SCHIP1: variants seen among roughly 807,000 people sequenced by gnomAD.
SCHIP1 encodes schwannomin interacting protein 1, also known as schwannomin-interacting protein 1.
Under a neutral mutation model 29.7 loss-of-function variants are expected in SCHIP1, and 8 were observed. The observed-to-expected ratio is 0.27, with a 90% CI of 0.16 to 0.49. The LOEUF (loss-of-function observed/expected upper bound fraction) is 0.49, where lower values mean the gene tolerates loss of function less well. SCHIP1 is among the 20% of genes least tolerant of loss of function. SCHIP1 has a pLI of 0.99. For synonymous variants in SCHIP1, 76 were observed against 94.9 expected (o/e 0.80, Z 1.16); for missense variants, 193 against 294.6 (o/e 0.66, Z 2.52).
chr3:159,764,345 C>G, the SCHIP1 span: 1 of 1,402,396 alleles, frequency 7.1e-7, no homozygotes, highest in Non-Finnish European at 9.5e-7. The surrounding 1 kb of genome is among the most constrained non-coding windows in gnomAD (Gnocchi z 6.1). Context: ...ACCCAGCGGG[C>G]GCAGGGTGCG....
At chr3:159,764,578 A>G in the SCHIP1 span, 1 of 1,606,872 alleles carries the variant, frequency 6.2e-7, no homozygotes, top group Non-Finnish European at 8.5e-7. This position sits in a 1 kb window ranked among gnomAD's most constrained non-coding sequence, Gnocchi z 6.1. Context: ...GCCGGGGGGC[A>G]GCCTGGACTT....
the SCHIP1 span, among the ~76,000 whole-genome samples, chr3:159,609,062 T>C: frequency 6.6e-6 from 1 of 152,202 alleles, no homozygotes; most frequent in Non-Finnish European, 1.5e-5. Flanking sequence ...TAACCTCTAC[T>C]CTTGAGGAGC....
the SCHIP1 span, among the ~76,000 whole-genome samples, chr3:159,600,965 A>G: frequency 1.3e-5 from 2 of 152,176 alleles, no homozygotes; most frequent in African/African-American, 4.8e-5. Flanking sequence ...ATTTCCTCAA[A>G]GGGTTAGTGT....
chr3:159,482,768 A>G, the SCHIP1 span, among the ~76,000 whole-genome samples: 3 of 152,148 alleles, frequency 2.0e-5, no homozygotes. Flanking sequence ...CAGAAACCAC[A>G]TGGTCCCTTA....
chr3:159,626,981 G>C, the SCHIP1 span, among the ~76,000 whole-genome samples: 30 of 152,240 alleles, frequency 2.0e-4, no homozygotes, highest in Middle Eastern at 0.01. Context: ...CATCATCTAG[G>C]TTTTAAACCC....
the SCHIP1 span, among the ~76,000 whole-genome samples, chr3:159,735,868 G>A: frequency 1.3e-5 from 2 of 152,186 alleles, no homozygotes; most frequent in Non-Finnish European, 2.9e-5. Context: ...GAGACGTGTT[G>A]AGAGTCCACA....
chr3:159,773,044 A>G, the SCHIP1 span, among the ~76,000 whole-genome samples: 1 of 152,206 alleles, frequency 6.6e-6, no homozygotes, highest in Admixed American at 6.5e-5. Context: ...CCCGGCCTAC[A>G]TTTGCACTTT....
At chr3:159,879,605 T>C (rs1716231940) in intron 2 of SCHIP1, among the ~76,000 whole-genome samples, 1 of 152,244 alleles carries the variant, frequency 6.6e-6, no homozygotes, top group African/African-American at 2.4e-5. Flanking sequence ...GAGAGATGGC[T>C]GTTTTATTCC....
At chr3:159,756,205 C>T in the SCHIP1 span, among the ~76,000 whole-genome samples, 6 of 152,356 alleles carry the variant, frequency 3.9e-5, no homozygotes, top group South Asian at 4.1e-4. Context: ...GAGGGCCCCA[C>T]CCTTGCAGCA....
intron 2 of SCHIP1, among the ~76,000 whole-genome samples, chr3:159,877,789 A>AG (rs1715994017): frequency 6.6e-6 from 1 of 152,192 alleles, no homozygotes; most frequent in Non-Finnish European, 1.5e-5. Context: ...TGGGGTAGAT[A>AG]GGTGTTTAAA....
the SCHIP1 span, among the ~76,000 whole-genome samples, chr3:159,666,543 C>T: frequency 6.6e-6 from 1 of 152,036 alleles, no homozygotes; most frequent in African/African-American, 2.4e-5. Flanking sequence ...CATAGGTTCA[C>T]ATAAATAGAA....
the SCHIP1 span, chr3:159,309,270 T>C: frequency 5.5e-6 from 1 of 180,766 alleles, no homozygotes. Context: ...GGAAATCGTA[T>C]TTAAAATATT....
chr3:159,607,106 C>A, the SCHIP1 span, among the ~76,000 whole-genome samples: 3 of 152,170 alleles, frequency 2.0e-5, no homozygotes. Flanking sequence ...CATACGCCCA[C>A]CCTTCTTATA....
chr3:159,517,467 G>GT, the SCHIP1 span, among the ~76,000 whole-genome samples: 1 of 152,048 alleles, frequency 6.6e-6, no homozygotes, highest in South Asian at 2.1e-4. Context: ...AAAATTAACT[G>GT]TTTTTTCAAA....
At chr3:159,699,128 C>T in the SCHIP1 span, among the ~76,000 whole-genome samples, 7 of 152,284 alleles carry the variant, frequency 4.6e-5, no homozygotes, top group East Asian at 1.3e-3. Context: ...GATCTAGGAA[C>T]ATAGCATGAG....
the SCHIP1 span, among the ~76,000 whole-genome samples, chr3:159,550,922 TTG>T: frequency 1.3e-5 from 2 of 152,208 alleles, no homozygotes; most frequent in Non-Finnish European, 2.9e-5. Context: ...TAACTAATTA[TTG>T]TGAGTTAACT....
At chr3:159,548,340 G>A in the SCHIP1 span, among the ~76,000 whole-genome samples, 1 of 151,890 alleles carries the variant, frequency 6.6e-6, no homozygotes. Context: ...GTTTTGGTAA[G>A]TTATTTTTAG....
the SCHIP1 span, among the ~76,000 whole-genome samples, chr3:159,276,973 C>T: frequency 4.0e-4 from 61 of 152,014 alleles, no homozygotes; most frequent in Non-Finnish European, 8.1e-4. Context: ...TTCACACCAT[C>T]TCATCTACAC....
At chr3:159,806,661 T>C in the SCHIP1 span, among the ~76,000 whole-genome samples, 10 of 152,228 alleles carry the variant, frequency 6.6e-5, no homozygotes, top group Admixed American at 4.6e-4. Flanking sequence ...CAGCCACAGC[T>C]GTAGAAATCC....
Sources: allele counts gnomAD v4.1 joint callset (sites outside exome capture counted in the v4.1 genomes callset), GRCh38; gene constraint gnomAD v4.1.1; non-coding constraint Gnocchi (gnomAD v3.1); transcripts MANE v1.5; gene names NCBI Gene and HGNC (gene_info 2026-07-23, HGNC 2026-07-21).